ARHGAP10: variants seen among roughly 807,000 people sequenced by gnomAD.
The protein encoded by ARHGAP10 is rho GTPase-activating protein 10.
ARHGAP10 carries 87 observed loss-of-function variants against 108.6 expected under a neutral mutation model. That is an observed-to-expected ratio of 0.80 (90% CI 0.67 to 0.96). The LOEUF (loss-of-function observed/expected upper bound fraction) is 0.96. Ranked by LOEUF, ARHGAP10 falls within the 40% of genes least tolerant of loss-of-function variation. The pLI, the probability that ARHGAP10 is intolerant of heterozygous loss-of-function variation, is 0.00. For synonymous variants in ARHGAP10, 347 were observed against 341.1 expected (o/e 1.02, Z -0.19); for missense variants, 939 against 954.5 (o/e 0.98, Z 0.21).
chr4:147,816,219 G>A (rs1732240681), intron 1 of ARHGAP10, among the ~76,000 whole-genome samples: 1 of 152,186 alleles, frequency 6.6e-6, no homozygotes, highest in East Asian at 1.9e-4. Flanking sequence ...GTTTAGGGAA[G>A]GCTGGATGGT....
chr4:148,046,094 T>C (rs897966118), intron 19 of ARHGAP10, among the ~76,000 whole-genome samples: 1 of 152,238 alleles, frequency 6.6e-6, no homozygotes, highest in African/African-American at 2.4e-5. Context: ...GTGCATTTTA[T>C]GGTAGCTGGG....
chr4:147,769,944 G>C (rs906855355), intron 1 of ARHGAP10, among the ~76,000 whole-genome samples: 1 of 152,186 alleles, frequency 6.6e-6, no homozygotes, highest in African/African-American at 2.4e-5. Context: ...AATAATTAAT[G>C]TGGAGTGTTG....
chr4:147,982,830 A>T (rs192850209), intron 18 of ARHGAP10, among the ~76,000 whole-genome samples: 8 of 152,060 alleles, frequency 5.3e-5, no homozygotes, highest in Non-Finnish European at 1.0e-4. Context: ...AATAAGGTAT[A>T]CATTTGGTTG....
Position 147,864,877 on chromosome 4 carries a change from A to G in ARHGAP10, c.518A>G (p.His173Arg), listed in dbSNP as rs1008593897. 2.5e-6 allele frequency: 4 copies of G among 1,614,044 alleles called. No homozygotes were observed. Among genetic ancestry groups the G allele is most frequent in the Non-Finnish European group, 3.4e-6 (4 of 1,179,984 alleles). ...ATCCAAGTAGAGCAGAACCGGCAAC[A>G]CTTCTATGAACTGTCTCTCGAGTAT... ...ADIQVEQNRQ[H>R]FYELSLEYVC... Residue 173 changes from histidine to arginine, a missense_variant, in exon 6 of 23, where the codon CAC becomes CGC. Physicochemically the swap from His to Arg is conservative, Grantham distance 29. Transcript: ENST00000336498.
At chr4:147,767,725 A>G (rs1414238488) in intron 1 of ARHGAP10, among the ~76,000 whole-genome samples, 8 of 152,172 alleles carry the variant, frequency 5.3e-5, no homozygotes, top group African/African-American at 1.9e-4. Flanking sequence ...GAGATTACAT[A>G]CCTGAAAAAA....
chr4:147,772,914 G>A (rs1730134631), intron 1 of ARHGAP10, among the ~76,000 whole-genome samples: 1 of 151,946 alleles, frequency 6.6e-6, no homozygotes, highest in African/African-American at 2.4e-5. Context: ...TCATTGGGTG[G>A]GCGGAACTGA....
At chr4:147,749,528 A>G (rs1018313404) in intron 1 of ARHGAP10, among the ~76,000 whole-genome samples, 14 of 152,154 alleles carry the variant, frequency 9.2e-5, no homozygotes, top group African/African-American at 2.9e-4. Context: ...CAAAGAAAAC[A>G]TTTCTTGAAT....
chr4:147,979,320 C>T (rs1441220604), intron 18 of ARHGAP10, among the ~76,000 whole-genome samples: 2 of 152,094 alleles, frequency 1.3e-5, no homozygotes, highest in Non-Finnish European at 1.5e-5. Flanking sequence ...GTCCTTTCCC[C>T]CTTGTTTTTT....
At chr4:147,935,562 C>T (rs1578707822) in intron 13 of ARHGAP10, among the ~76,000 whole-genome samples, 1 of 152,120 alleles carries the variant, frequency 6.6e-6, no homozygotes, top group East Asian at 1.9e-4. Context: ...AAATAGTGAT[C>T]CCTTTGGTTG....
chr4:148,071,479 G>A (rs555505225), intron 22 of ARHGAP10, among the ~76,000 whole-genome samples: 2 of 152,336 alleles, frequency 1.3e-5, no homozygotes, highest in East Asian at 1.9e-4. Flanking sequence ...AGCCAGGCAT[G>A]GTGGTGCGTG....
chr4:147,959,024 G>A (rs1288519854), intron 16 of ARHGAP10, among the ~76,000 whole-genome samples: 1 of 151,790 alleles, frequency 6.6e-6, no homozygotes, highest in Non-Finnish European at 1.5e-5. Flanking sequence ...TTTTAAGGTA[G>A]GCTGTTCATT....
chr4:147,837,947 G>A (rs563296662), intron 3 of ARHGAP10, among the ~76,000 whole-genome samples: 71 of 152,160 alleles, frequency 4.7e-4, no homozygotes, highest in African/African-American at 1.6e-3. Context: ...ACTTGAACAC[G>A]TATACTTTTA....
At chr4:147,903,251 C>CA (rs1448399923) in intron 10 of ARHGAP10, among the ~76,000 whole-genome samples, 3 of 152,184 alleles carry the variant, frequency 2.0e-5, no homozygotes, top group African/African-American at 4.8e-5. Flanking sequence ...GTCTTCTATG[C>CA]ACCTTCTCAG....
At chr4:147,918,177 C>T (rs1737070624) in intron 13 of ARHGAP10, among the ~76,000 whole-genome samples, 1 of 140,100 alleles carries the variant, frequency 7.1e-6, no homozygotes, top group Non-Finnish European at 1.5e-5. Flanking sequence ...GCTCTGTGGC[C>T]TAGGCTGGAG....
At chr4:148,041,808 C>A (rs532741487) in intron 19 of ARHGAP10, among the ~76,000 whole-genome samples, 2 of 152,302 alleles carry the variant, frequency 1.3e-5, no homozygotes, top group African/African-American at 4.8e-5. Context: ...GTTCAGGAAT[C>A]CTAAATATTT....
intron 13 of ARHGAP10, among the ~76,000 whole-genome samples, chr4:147,919,593 GA>G (rs1737149243): frequency 6.6e-6 from 1 of 151,182 alleles, no homozygotes. Context: ...TTTTTGTGGA[GA>G]TGCAGTCCCT....
At chr4:147,743,018 C>G (rs556503137) in intron 1 of ARHGAP10, among the ~76,000 whole-genome samples, 10 of 148,464 alleles carry the variant, frequency 6.7e-5, no homozygotes, top group Non-Finnish European at 1.5e-4. Flanking sequence ...CCATACTGAT[C>G]GATAGTTTTT....
In ARHGAP10 at chr4:148,067,767, G is replaced by A. The variant is rs188830250; in HGVS notation, c.2272+3260G>A. On this transcript the variant is annotated intron_variant, in intron 22 of 22. Coordinates refer to ENST00000336498, the MANE Select transcript of ARHGAP10 (RefSeq NM_024605.4). The stretch of plus-strand genomic sequence containing the variant: ...TGGGCGGCCTCGTCAGTAGTTATGC[G>A]TTTGGGATGTGTGCAGCTGTGAGAT... Among the ~76,000 whole-genome samples, 571 of 149,994 alleles carry A rather than the reference G, an allele frequency of 3.8e-3. 2 individuals carry two copies. The highest frequency in any genetic ancestry group is 6.3e-3 in the Non-Finnish European group (427 of 67,902).
At chr4:147,984,260 A>G (rs1003828218) in intron 18 of ARHGAP10, among the ~76,000 whole-genome samples, 1 of 152,218 alleles carries the variant, frequency 6.6e-6, no homozygotes, top group Non-Finnish European at 1.5e-5. Context: ...CCCAGTACAC[A>G]TTCGCGTTCA....
Sources: allele counts gnomAD v4.1 joint callset (sites outside exome capture counted in the v4.1 genomes callset), GRCh38; gene constraint gnomAD v4.1.1; transcripts MANE v1.5; gene names NCBI Gene and HGNC (gene_info 2026-07-23, HGNC 2026-07-21).